Variants in ANKRD62 observed in about 807,000 individuals in gnomAD.
ANKRD62 encodes the protein ankyrin repeat domain 62.
ANKRD62 carries 61 observed loss-of-function variants against 98.8 expected under a neutral mutation model. The ratio of observed to expected loss-of-function variants is 0.62; its 90% CI spans 0.50 to 0.76. The LOEUF is 0.76. Ranked by LOEUF, ANKRD62 falls within the 30% of genes least tolerant of loss-of-function variation. The probability of loss-of-function intolerance (pLI) is 0.00; values close to 1 mark genes in which losing one functional copy is unlikely to be tolerated. For synonymous variants in ANKRD62, 341 were observed against 367.9 expected, an observed-to-expected ratio of 0.93 and a Z score of 0.84; for missense variants, 933 against 1,082.9, an observed-to-expected ratio of 0.86 and a Z score of 1.94.
At chr18:12,130,916 C>T (rs1339116303), downstream of ANKRD62, among the ~76,000 whole-genome samples, 1 of 152,186 alleles carries the variant, frequency 6.6e-6, no homozygotes, top group Non-Finnish European at 1.5e-5. Context: ...TCTTGAACTC[C>T]TGACCTCAGG....
the ANKRD62 span, among the ~76,000 whole-genome samples, chr18:12,146,620 A>G: frequency 6.6e-6 from 1 of 151,910 alleles, no homozygotes; most frequent in Admixed American, 6.6e-5. Context: ...TAATTTTTGG[A>G]GTTTTAGTAG....
intron 9 of ANKRD62, 57 bp downstream of exon 9, chr18:12,115,178 G>T: frequency 7.4e-7 from 1 of 1,349,490 alleles, no homozygotes; most frequent in Admixed American, 3.2e-5. Flanking sequence ...AAAAGATCAT[G>T]GTAAAAAACA....
chr18:12,114,601 T>G (rs1909618681), intron 8 of ANKRD62, among the ~76,000 whole-genome samples: 1 of 152,174 alleles, frequency 6.6e-6, no homozygotes, highest in Admixed American at 6.5e-5. Flanking sequence ...TTTAAATGAC[T>G]TAAATACATG....
At chr18:12,120,470 G>A (rs1417819236) in intron 10 of ANKRD62, among the ~76,000 whole-genome samples, 1 of 152,106 alleles carries the variant, frequency 6.6e-6, no homozygotes, top group Non-Finnish European at 1.5e-5. Flanking sequence ...GTAGTCTTCT[G>A]TCAAGTGTTA....
intron 5 of ANKRD62, chr18:12,098,533 C>A (rs1909231479): frequency 6.6e-6 from 1 of 152,218 alleles, no homozygotes; most frequent in South Asian, 2.1e-4. Context: ...CCATATTTTA[C>A]ACAGTTACAA....
chr18:12,128,507 G>A lies in ANKRD62; in HGVS notation c.*568G>A, dbSNP rs1909940074. ...AACAAAAACAAAAAACTTTACAAAT[G>A]GGGTTATAGAAGGTCAGCAAAGGGT... is the stretch of plus-strand genomic sequence containing the variant. On this transcript the variant is annotated 3_prime_UTR_variant, in exon 14 of 14. Transcript: ENST00000587848. 1 of 152,208 alleles carries A rather than the reference G, an allele frequency of 6.6e-6. No individual in the cohort carries two copies. Among genetic ancestry groups the A allele is most frequent in the African/African-American group, 2.4e-5 (1 of 41,446 alleles). 9.4% of individuals were successfully genotyped at this position (152,208 alleles called of 1,614,324 possible).
chr18:12,093,974 C>G lies in ANKRD62; in HGVS notation c.-44C>G. On this transcript the variant is annotated 5_prime_UTR_variant, in exon 1 of 14. Transcript: ENST00000587848. ...AGAAAACGAGTGGGAGCTGAGGTGTCTTAAAGCCGTTCCTCAGCCTGGGAG... is the reference window on the plus strand; with the variant it reads ...AGAAAACGAGTGGGAGCTGAGGTGTGTTAAAGCCGTTCCTCAGCCTGGGAG... 6.6e-7 allele frequency: 1 copy of G among 1,526,576 alleles called. No individual in the cohort carries two copies. 94.6% of individuals were successfully genotyped at this position (1,526,576 alleles called of 1,614,324 possible). A position where few individuals can be genotyped will look rare whatever the true frequency, so the allele number is the denominator to read the frequency against.
downstream of ANKRD62, among the ~76,000 whole-genome samples, chr18:12,130,954 T>A (rs565502657): frequency 3.3e-5 from 5 of 152,296 alleles, no homozygotes; most frequent in Admixed American, 3.3e-4. Context: ...CCTCCCAAAG[T>A]GCTGGGGTTA....
At chr18:12,119,292 G>A (rs1909734227) in intron 10 of ANKRD62, among the ~76,000 whole-genome samples, 1 of 149,920 alleles carries the variant, frequency 6.7e-6, no homozygotes. Context: ...AGGGTAAATA[G>A]AGATTTCTCA....
rs574798562 is a variant in ANKRD62 at position 12,108,767 on chromosome 18, G to T, written c.1064+1300G>T. On this transcript the variant is annotated intron_variant, in intron 8 of 13. Transcript: ENST00000587848. ...GATACAGTGGGGGTACATGCATTGG[G>T]TGAATGTTCCCATTCCAAATGGGAG... Among the ~76,000 whole-genome samples the T allele has an allele frequency of 1.6e-4, 24 of 152,328 alleles. 1 individual carries two copies. In the South Asian group the frequency reaches 4.8e-3, roughly 30 times the overall value.
the ANKRD62 span, among the ~76,000 whole-genome samples, chr18:12,181,673 CT>C: frequency 6.6e-6 from 1 of 152,150 alleles, no homozygotes; most frequent in East Asian, 1.9e-4. Flanking sequence ...AGGAACAGCT[CT>C]GGTCTACAGC....
intron 7 of ANKRD62, among the ~76,000 whole-genome samples, chr18:12,105,234 C>T (rs1909387583): frequency 6.6e-6 from 1 of 152,220 alleles, no homozygotes; most frequent in Admixed American, 6.5e-5. Context: ...CAATTCAAAA[C>T]TTGTTCCACA....
the ANKRD62 span, among the ~76,000 whole-genome samples, chr18:12,171,885 G>C: frequency 2.0e-5 from 3 of 151,886 alleles, no homozygotes; most frequent in Non-Finnish European, 4.4e-5. Flanking sequence ...TCATTAATTT[G>C]ATCTTCAATC....
At chr18:12,134,824 A>G in the ANKRD62 span, among the ~76,000 whole-genome samples, 7 of 152,118 alleles carry the variant, frequency 4.6e-5, no homozygotes, top group African/African-American at 1.7e-4. Context: ...GAATAGTGCC[A>G]CAATAAACAT....
the ANKRD62 span, among the ~76,000 whole-genome samples, chr18:12,155,139 G>T: frequency 6.6e-6 from 1 of 152,156 alleles, no homozygotes; most frequent in Non-Finnish European, 1.5e-5. Flanking sequence ...AACAACAAAA[G>T]AAAATGTAAC....
chr18:12,174,592 G>A, the ANKRD62 span, among the ~76,000 whole-genome samples: 11 of 152,168 alleles, frequency 7.2e-5, no homozygotes, highest in Non-Finnish European at 1.0e-4. Context: ...TTGAGTTGCC[G>A]TGGTTCTTTC....
At chr18:12,155,432 T>A in the ANKRD62 span, among the ~76,000 whole-genome samples, 1 of 152,288 alleles carries the variant, frequency 6.6e-6, no homozygotes. Context: ...TGTGAAAGAT[T>A]CCTTCTTCCT....
the ANKRD62 span, among the ~76,000 whole-genome samples, chr18:12,150,265 CA>C: frequency 5.3e-5 from 8 of 152,178 alleles, no homozygotes; most frequent in East Asian, 1.5e-3. Flanking sequence ...TAAAAACAAC[CA>C]AAAGACATGA....
the ANKRD62 span, among the ~76,000 whole-genome samples, chr18:12,156,138 G>A: frequency 7.6e-5 from 10 of 131,010 alleles, no homozygotes; most frequent in African/African-American, 8.7e-5. Flanking sequence ...TGACACACCC[G>A]CCTGCTCCCC....
Sources: gnomAD v4.1 joint callset for allele counts (sites outside exome capture counted in the v4.1 genomes callset) on GRCh38, gnomAD v4.1.1 for gene constraint, MANE v1.5 for transcripts, NCBI Gene and HGNC (gene_info 2026-07-23, HGNC 2026-07-21) for gene names.